PPFIA2: variants seen among roughly 807,000 people sequenced by gnomAD.
PPFIA2 encodes the protein PPFI scaffold protein A2.
PPFIA2 carries 46 observed loss-of-function variants against 175.5 expected under a neutral mutation model. That is an observed-to-expected ratio of 0.26 (90% CI 0.21 to 0.34). The LOEUF (loss-of-function observed/expected upper bound fraction) is 0.34. Ranked by LOEUF, PPFIA2 falls within the 10% of genes least tolerant of loss-of-function variation. The pLI is 1.00. For synonymous variants in PPFIA2, 568 were observed against 511.4 expected (o/e 1.11, Z -1.49); for missense variants, 1,179 against 1,506.1 (o/e 0.78, Z 3.60).
intron 24 of PPFIA2, among the ~76,000 whole-genome samples, chr12:81,287,090 T>C (rs2043637982): frequency 6.6e-6 from 1 of 152,056 alleles, no homozygotes; most frequent in South Asian, 2.1e-4. Flanking sequence ...CACTGAGTTA[T>C]CGTGGTGCTT....
At chr12:81,735,522 T>C (rs1016877736) in intron 3 of PPFIA2, among the ~76,000 whole-genome samples, 5 of 151,958 alleles carry the variant, frequency 3.3e-5, no homozygotes, top group Admixed American at 1.3e-4. Context: ...TTTGAAAGCA[T>C]TTTCTCCTAG....
At chr12:81,432,463 CTTTTT>C in intron 7 of PPFIA2, among the ~76,000 whole-genome samples, 1 of 132,794 alleles carries the variant, frequency 7.5e-6, no homozygotes, top group African/African-American at 2.8e-5. Flanking sequence ...GCAGAACTAA[CTTTTT>C]TTTTTTTTTT....
At chr12:81,700,117 G>A (rs1479257678) in intron 3 of PPFIA2, among the ~76,000 whole-genome samples, 1 of 151,816 alleles carries the variant, frequency 6.6e-6, no homozygotes, top group Admixed American at 6.6e-5. Flanking sequence ...CTGAAATGGT[G>A]GTGTTCTTCA....
At chr12:81,537,327 CCTT>C (rs2065547778) in intron 4 of PPFIA2, among the ~76,000 whole-genome samples, 1 of 151,680 alleles carries the variant, frequency 6.6e-6, no homozygotes, top group African/African-American at 2.4e-5. Flanking sequence ...GACACCATCT[CCTT>C]ATTTCAACAC....
intron 11 of PPFIA2, among the ~76,000 whole-genome samples, chr12:81,370,075 A>T (rs898877210): frequency 2.6e-5 from 4 of 151,844 alleles, no homozygotes. Flanking sequence ...GATTGTTAAA[A>T]GTTTGTATTA....
At chr12:81,585,001 ATTAATTATAT>A (rs2075065833) in intron 4 of PPFIA2, among the ~76,000 whole-genome samples, 1 of 100,680 alleles carries the variant, frequency 9.9e-6, no homozygotes, top group African/African-American at 4.1e-5. Flanking sequence ...TATATAATAT[ATTAATTATAT>A]TTATATATAA....
chr12:81,275,678 T>C (rs935047846), intron 28 of PPFIA2, among the ~76,000 whole-genome samples: 2 of 152,122 alleles, frequency 1.3e-5, no homozygotes, highest in African/African-American at 4.8e-5. Flanking sequence ...CTTGCACATA[T>C]CAACTCTTGG....
chr12:81,598,333 C>A lies in PPFIA2; in HGVS notation c.303+78458G>T, dbSNP rs957014687. ...GAACCAACGATAAATGGAGCTTGTG[C>A]AGAATCTGGCAGTGCTGTGGACCTG... On this transcript the variant is annotated intron_variant, in intron 4 of 32. Transcript: ENST00000549396. 5.2e-6 allele frequency: 6 copies of A among 1,150,976 alleles called. No homozygotes were observed. The Admixed American group carries it at 2.3e-4, about 43-fold the overall frequency. The allele number at this position is 1,150,976 out of a possible 1,614,324, so 71.3% of individuals were successfully genotyped here. A position where few individuals can be genotyped will look rare whatever the true frequency, so the allele number is the denominator to read the frequency against.
At chr12:81,348,509 G>A (rs773134846) in intron 17 of PPFIA2, among the ~76,000 whole-genome samples, 7 of 152,052 alleles carry the variant, frequency 4.6e-5, no homozygotes, top group Non-Finnish European at 8.8e-5. Flanking sequence ...AGGCCGAGAT[G>A]GGTGGATCAT....
At chr12:81,646,411 C>G (rs965157323) in intron 4 of PPFIA2, among the ~76,000 whole-genome samples, 2 of 152,120 alleles carry the variant, frequency 1.3e-5, no homozygotes, top group African/African-American at 4.8e-5. Context: ...AAGACTGGGG[C>G]TGGAGGAGAA....
At chr12:81,732,779 T>C (rs1377725002) in intron 3 of PPFIA2, among the ~76,000 whole-genome samples, 1 of 151,574 alleles carries the variant, frequency 6.6e-6, no homozygotes, top group Non-Finnish European at 1.5e-5. Context: ...AGCATCTTTC[T>C]CTTAGTGTAA....
At chr12:81,705,911 TCA>T (rs2077078891) in intron 3 of PPFIA2, among the ~76,000 whole-genome samples, 1 of 152,256 alleles carries the variant, frequency 6.6e-6, no homozygotes, top group Admixed American at 6.5e-5. Context: ...CAGCTACTAG[TCA>T]CAGATAGGTA....
At chr12:81,665,022 C>T (rs1203788758) in intron 4 of PPFIA2, among the ~76,000 whole-genome samples, 3 of 151,678 alleles carry the variant, frequency 2.0e-5, no homozygotes, top group African/African-American at 7.3e-5. Context: ...GAACATCACA[C>T]ACCGGGGCCT....
chr12:81,367,142 A>G lies in PPFIA2; in HGVS notation c.1511T>C (p.Phe504Ser), dbSNP rs1311976111. The G allele has an allele frequency of 7.0e-7, 1 of 1,433,732 alleles. No homozygotes were observed. Among genetic ancestry groups the G allele is most frequent in the South Asian group, 1.6e-5 (1 of 64,452 alleles). 88.8% of individuals were successfully genotyped at this position (1,433,732 alleles called of 1,614,324 possible). The change falls in exon 14 of 33, where the codon TTC becomes TCC. Residue 504 changes from phenylalanine (F) to serine (S), a missense_variant. Transcript: ENST00000549396. ...KNVLIQESET[F>S]RKNLEESLHD... The stretch of plus-strand genomic sequence containing the variant: ...TAAAGATTCTTCAAGATTCTTTCTG[A>G]AAGTTTCTGATTCTTGAATTAAAAC...
intron 4 of PPFIA2, among the ~76,000 whole-genome samples, chr12:81,492,534 C>T (rs1270088666): frequency 6.6e-6 from 1 of 151,894 alleles, no homozygotes; most frequent in Non-Finnish European, 1.5e-5. Flanking sequence ...TGGCAGAAAA[C>T]ACTTAGGAGG....
intron 4 of PPFIA2, among the ~76,000 whole-genome samples, chr12:81,476,907 AG>A (rs1377111349): frequency 6.6e-6 from 1 of 152,204 alleles, no homozygotes; most frequent in Non-Finnish European, 1.5e-5. Context: ...TGTCCTTTGC[AG>A]GGACATGGAT....
At chr12:81,729,340 A>G (rs2080530005) in intron 3 of PPFIA2, among the ~76,000 whole-genome samples, 1 of 151,514 alleles carries the variant, frequency 6.6e-6, no homozygotes, top group Non-Finnish European at 1.5e-5. Flanking sequence ...ATCGGGATTT[A>G]TTTTTAGAGC....
chr12:81,720,772 G>C (rs2079208911), intron 3 of PPFIA2, among the ~76,000 whole-genome samples: 1 of 151,118 alleles, frequency 6.6e-6, no homozygotes, highest in African/African-American at 2.4e-5. Flanking sequence ...TATAACTATT[G>C]GGTTTCCTTT....
At chr12:81,312,044 C>T in intron 22 of PPFIA2, 1 of 907,282 alleles carries the variant, frequency 1.1e-6, no homozygotes. Context: ...ATTTTCATTT[C>T]AGGTCAGAGG....
Sources: allele counts gnomAD v4.1 joint callset (sites outside exome capture counted in the v4.1 genomes callset), GRCh38; gene constraint gnomAD v4.1.1; transcripts MANE v1.5; gene names NCBI Gene and HGNC (gene_info 2026-07-23, HGNC 2026-07-21).